Variants in ASH1L observed in about 807,000 individuals in gnomAD.
The protein encoded by ASH1L is ASH1 like histone lysine methyltransferase, also known as histone-lysine N-methyltransferase ASH1L.
Under a neutral mutation model 269.0 loss-of-function variants are expected in ASH1L, and 23 were observed. The observed-to-expected ratio is 0.09, with a 90% CI of 0.06 to 0.12. ASH1L has a LOEUF of 0.12. Ranked by LOEUF, ASH1L falls within the 10% of genes least tolerant of loss-of-function variation. ASH1L has a pLI of 1.00. For missense variants in ASH1L, 2,912 were observed against 3,567.8 expected, an observed-to-expected ratio of 0.82 and a Z score of 4.68; for synonymous variants, 1,187 against 1,253.5, an observed-to-expected ratio of 0.95 and a Z score of 1.12.
chr1:155,463,197 T>C (rs1194418297), intron 3 of ASH1L, among the ~76,000 whole-genome samples: 1 of 152,180 alleles, frequency 6.6e-6, no homozygotes, highest in African/African-American at 2.4e-5. Flanking sequence ...GAGACCAATA[T>C]ATATGTATGT....
intron 5 of ASH1L, among the ~76,000 whole-genome samples, chr1:155,421,066 A>G (rs1660635097): frequency 6.6e-6 from 1 of 151,136 alleles, no homozygotes; most frequent in African/African-American, 2.4e-5. Flanking sequence ...GTCAGACCCC[A>G]TCTTTGCAAA....
intron 1 of ASH1L, among the ~76,000 whole-genome samples, chr1:155,547,893 G>A (rs983474433): frequency 3.9e-5 from 6 of 152,126 alleles, no homozygotes; most frequent in Admixed American, 3.3e-4. Flanking sequence ...GGAGAATGGC[G>A]TGAACCCGGA....
intron 2 of ASH1L, among the ~76,000 whole-genome samples, chr1:155,507,068 AG>A (rs1171782236): frequency 2.6e-5 from 4 of 152,190 alleles, no homozygotes; most frequent in Non-Finnish European, 5.9e-5. Context: ...AGGCCACCTG[AG>A]GTCAGGAGTT....
In ASH1L at chr1:155,481,293, T is replaced by C. The variant is rs758611306; in HGVS notation, c.1577A>G (p.Tyr526Cys). 6.2e-6 allele frequency: 10 copies of C among 1,614,132 alleles called. No individual in the cohort carries two copies. The South Asian group carries it at 6.6e-5, about 11-fold the overall frequency. The change falls in exon 3 of 28, where the codon TAT (tyrosine) becomes TGT (cysteine). Residue 526 changes from tyrosine to cysteine, a missense_variant. Around this residue, in one of 13 missense-constraint regions of ASH1L, gnomAD observed 715 missense variants for 721.0 expected, o/e 0.99. Transcript: ENST00000392403. ...TSKHEKQPPV[Y>C]CTSPDFKMGG... is the part of the protein sequence containing the mutation. ...CATTTTAAAGTCCGGAGAAGTGCAA[T>C]ATACAGGAGGCTGCTTTTCATGCTT...
intron 2 of ASH1L, among the ~76,000 whole-genome samples, chr1:155,488,794 A>T (rs1042623428): frequency 2.6e-5 from 4 of 152,000 alleles, no homozygotes; most frequent in African/African-American, 9.7e-5. Context: ...TTAAGAGAGC[A>T]TATTATCAAT....
At chr1:155,354,763 G>T in intron 15 of ASH1L, 133 bp from the exon 16 acceptor site, 1 of 758,544 alleles carries the variant, frequency 1.3e-6, no homozygotes, top group Non-Finnish European at 2.0e-6. Flanking sequence ...TATGGGCAAA[G>T]CATTACTCAA....
chr1:155,522,773 G>A (rs536589426), intron 1 of ASH1L, among the ~76,000 whole-genome samples: 1 of 151,020 alleles, frequency 6.6e-6, no homozygotes, highest in East Asian at 2.0e-4. Context: ...TGCAACCTGC[G>A]TCTCCTGGGT....
chr1:155,416,842 TTTCCTTTCCTTCCTTTTC>T (rs1571153944), intron 5 of ASH1L, among the ~76,000 whole-genome samples: 1 of 151,228 alleles, frequency 6.6e-6, no homozygotes, highest in Non-Finnish European at 1.5e-5. Flanking sequence ...CCACCTTGCC[TTTCCTTTCCTTCCTTTTC>T]TTCCTTTCCT....
At chr1:155,477,756 G>A (rs1169094311) in intron 3 of ASH1L, 130 bp downstream of exon 3, 5 of 858,044 alleles carry the variant, frequency 5.8e-6, no homozygotes, top group Non-Finnish European at 8.1e-6. Context: ...GGAATACTGA[G>A]ATTTCAAAAT....
intron 5 of ASH1L, among the ~76,000 whole-genome samples, chr1:155,426,311 C>G (rs940164779): frequency 9.9e-5 from 15 of 152,032 alleles, no homozygotes; most frequent in Non-Finnish European, 1.8e-4. Flanking sequence ...CTCAAGCAAT[C>G]CACCTGCCTT....
intron 6 of ASH1L, among the ~76,000 whole-genome samples, chr1:155,414,517 C>T (rs990486961): frequency 1.3e-5 from 2 of 152,154 alleles, no homozygotes; most frequent in African/African-American, 4.8e-5. Context: ...CCATGTTGGT[C>T]AGGCTGGTCT....
At position 155,433,270 on chromosome 1, in the gene ASH1L, T is replaced by A. The variant is rs747994760; in HGVS notation, c.5828+5057A>T. The A allele has an allele frequency of 3.2e-6, 5 of 1,562,360 alleles. No individual in the cohort carries two copies. In the African/African-American group the frequency reaches 6.8e-5, roughly 21 times the overall value. ...CAGGGGGGCCGGAGCCGGGCTGGGT[T>A]GATCCTCGGACCTGGCTAAGCTTCC... On this transcript the variant is annotated intron_variant, in intron 5 of 27. Transcript: ENST00000392403.
chr1:155,481,287 G>A lies in ASH1L; in HGVS notation c.1583C>T (p.Thr528Ile), dbSNP rs1665942733. The A allele has an allele frequency of 6.2e-7, 1 of 1,614,144 alleles. No individual in the cohort carries two copies. ...ACCTCCCATTTTAAAGTCCGGAGAA[G>A]TGCAATATACAGGAGGCTGCTTTTC... ...KHEKQPPVYC[T>I]SPDFKMGGAS... Residue 528 changes from threonine to isoleucine, a missense_variant, in exon 3 of 28, where the codon ACT (threonine) becomes ATT (isoleucine). Transcript: ENST00000392403.
At chr1:155,497,190 A>G (rs1218418958) in intron 2 of ASH1L, among the ~76,000 whole-genome samples, 1 of 152,226 alleles carries the variant, frequency 6.6e-6, no homozygotes, top group Non-Finnish European at 1.5e-5. Flanking sequence ...ACCCAGAAGA[A>G]GTGAAAGCAG....
chr1:155,366,273 C>T (rs1453785765), intron 12 of ASH1L, among the ~76,000 whole-genome samples: 3 of 152,166 alleles, frequency 2.0e-5, no homozygotes, highest in Non-Finnish European at 2.9e-5. Flanking sequence ...ACTATGGCAA[C>T]GTCAGAAAGT....
rs372062963 is a variant in ASH1L, at chr1:155,435,871, T to C, written c.5828+2456A>G. ...TTCGAGGCTAGCATGGCCAACATGG[T>C]GAAACCTCGTCTCTACTAAAAATAC... On this transcript the variant is annotated intron_variant, in intron 5 of 27. Transcript: ENST00000392403. Among the ~76,000 whole-genome samples the C allele has an allele frequency of 5.3e-5, 8 of 152,148 alleles. No individual in the cohort carries two copies. In the East Asian group the frequency reaches 1.4e-3, roughly 26 times the overall value.
intron 24 of ASH1L, among the ~76,000 whole-genome samples, chr1:155,342,528 T>C (rs1037379567): frequency 2.7e-4 from 41 of 152,218 alleles, no homozygotes; most frequent in African/African-American, 9.2e-4. Flanking sequence ...CTGTCAGTTT[T>C]GGAATGGAAT....
At chr1:155,353,674 T>C (rs948524674) in intron 16 of ASH1L, among the ~76,000 whole-genome samples, 2 of 152,090 alleles carry the variant, frequency 1.3e-5, no homozygotes, top group African/African-American at 4.8e-5. Context: ...ACAGTGCTAA[T>C]CTGAATGTGA....
In ASH1L at chr1:155,477,978, G is replaced by A; in HGVS notation, c.4892C>T (p.Pro1631Leu). The change falls in exon 3 of 28, where the codon CCT (proline) becomes CTT (leucine). Residue 1631 changes from proline to leucine, a missense_variant. Coordinates refer to ENST00000392403, the MANE Select transcript of ASH1L (RefSeq NM_018489.3). ...SSGRKKLTDSPGLFSAQDTSL... is the reference protein window; with the variant it reads ...SSGRKKLTDSLGLFSAQDTSL... Reference sequence around the variant, plus strand: ...AGTGTCCTGTGCAGAAAAGAGTCCAGGGCTGTCAGTTAATTTCTTCCGGCC... The same window carrying A: ...AGTGTCCTGTGCAGAAAAGAGTCCAAGGCTGTCAGTTAATTTCTTCCGGCC... 1.9e-6 allele frequency: 3 copies of A among 1,614,172 alleles called. No homozygotes were observed. The highest frequency in any genetic ancestry group is 2.5e-6 in the Non-Finnish European group (3 of 1,180,030).
Sources: gnomAD v4.1 joint callset for allele counts (sites outside exome capture counted in the v4.1 genomes callset) on GRCh38, gnomAD v4.1.1 for gene constraint, gnomAD v4.1.1 regional missense constraint, MANE v1.5 for transcripts, NCBI Gene and HGNC (gene_info 2026-07-23, HGNC 2026-07-21) for gene names.